PXDN: variants seen among roughly 807,000 people sequenced by gnomAD.
PXDN encodes the protein peroxidasin homolog.
In PXDN, 77 loss-of-function variants were observed where a neutral mutation model predicts 140.3. The ratio of observed to expected loss-of-function variants is 0.55; its 90% CI spans 0.46 to 0.66. PXDN has a LOEUF of 0.66. Among genes scored for constraint, PXDN ranks in the 30% least tolerant of loss-of-function variants. The pLI is 0.00. For synonymous variants in PXDN, 911 were observed against 857.4 expected (o/e 1.06, Z -1.09); for missense variants, 1,838 against 2,039.5 (o/e 0.90, Z 1.90).
At position 1,639,850 on chromosome 2, in the gene PXDN, C is replaced by A. The variant is rs889727885; in HGVS notation, c.3953-428G>T. Among the ~76,000 whole-genome samples the A allele has an allele frequency of 6.6e-6, 1 of 152,224 alleles. No homozygotes were observed. Among genetic ancestry groups the A allele is most frequent in the Non-Finnish European group, 1.5e-5 (1 of 68,042 alleles). ...CCTTAAAATTATGCTACACTCCCTA[C>A]GTCACACTGCCAGCCCCAGTGTCAG... On this transcript the variant is annotated intron_variant, in intron 19 of 22. Transcript: ENST00000252804. This position sits in a 1 kb window ranked among gnomAD's most constrained non-coding sequence, Gnocchi z 5.0.
In PXDN at chr2:1,637,875, G is replaced by GTA. The variant is rs1558482538; in HGVS notation, c.4206+970_4206+971insTA. Among the ~76,000 whole-genome samples, 64 of 8,796 alleles carry GTA rather than the reference G, an allele frequency of 7.3e-3. 7 individuals carry two copies. Among genetic ancestry groups the GTA allele is most frequent in the South Asian group, 0.05 (4 of 80 alleles). The allele number at this position is 8,796 out of a possible 152,430, so 5.8% of individuals were successfully genotyped here. A position where few individuals can be genotyped will look rare whatever the true frequency, so the allele number is the denominator to read the frequency against. On this transcript the variant is annotated intron_variant, in intron 21 of 22. Coordinates refer to ENST00000252804, the MANE Select transcript of PXDN (RefSeq NM_012293.3). ...CACTCTGACAGCTGCCTGGGGACTT[G>GTA]CACCTGGTCTCTAGGTTGCGGAGGC...
chr2:1,680,588 T>G (rs2125441602), intron 6 of PXDN, among the ~76,000 whole-genome samples: 1 of 152,262 alleles, frequency 6.6e-6, no homozygotes, highest in East Asian at 1.9e-4. Flanking sequence ...GGGTGCACAG[T>G]GCCCCTCAAG....
intron 14 of PXDN, among the ~76,000 whole-genome samples, chr2:1,656,128 C>A (rs552880539): frequency 6.6e-6 from 1 of 151,748 alleles, no homozygotes; most frequent in Admixed American, 6.6e-5. Context: ...AAACACCACA[C>A]AAACACACAA....
intron 6 of PXDN, among the ~76,000 whole-genome samples, chr2:1,682,271 C>G (rs1050386138): frequency 6.6e-6 from 1 of 152,066 alleles, no homozygotes; most frequent in Non-Finnish European, 1.5e-5. Flanking sequence ...TGTTATCTAT[C>G]AAATATGGAA....
chr2:1,708,761 C>A (rs1684680786), intron 1 of PXDN, among the ~76,000 whole-genome samples: 1 of 152,178 alleles, frequency 6.6e-6, no homozygotes, highest in Non-Finnish European at 1.5e-5. Flanking sequence ...GAAACGGGGA[C>A]ATCTTTTATG....
intron 1 of PXDN, among the ~76,000 whole-genome samples, chr2:1,696,874 A>G (rs749695357): frequency 3.9e-5 from 6 of 152,336 alleles, no homozygotes; most frequent in South Asian, 4.1e-4. Flanking sequence ...CATCCCTGAG[A>G]GACAAGCTCA....
chr2:1,741,489 C>T (rs1363298083), intron 1 of PXDN, among the ~76,000 whole-genome samples: 1 of 152,164 alleles, frequency 6.6e-6, no homozygotes, highest in Non-Finnish European at 1.5e-5. Context: ...GCTCAAAGGT[C>T]GATCCAAACT....
chr2:1,716,952 G>GC (rs1259566810), intron 1 of PXDN, among the ~76,000 whole-genome samples: 3 of 152,100 alleles, frequency 2.0e-5, no homozygotes, highest in African/African-American at 7.2e-5. Context: ...CACTAGCCTT[G>GC]CCCCCATCCA....
chr2:1,731,772 A>G lies in PXDN; in HGVS notation c.200+12484T>C, dbSNP rs573741919. On this transcript the variant is annotated intron_variant, in intron 1 of 22. Transcript: ENST00000252804. ...GAGCTGCCCAGCCAAGAACATTTGC[A>G]CGGGGTTTTGTGTGAGTGGGGCAGG... is the stretch of plus-strand genomic sequence containing the variant. Among the ~76,000 whole-genome samples the G allele has an allele frequency of 1.7e-3, 258 of 152,256 alleles. 1 individual carries two copies. Among genetic ancestry groups the G allele is most frequent in the Admixed American group, 2.6e-3 (39 of 15,288 alleles).
chr2:1,667,652 C>T (rs1385840648), intron 9 of PXDN, among the ~76,000 whole-genome samples: 2 of 152,066 alleles, frequency 1.3e-5, no homozygotes, highest in Non-Finnish European at 2.9e-5. Flanking sequence ...TTCCTATATA[C>T]CAATAATAGA....
At chr2:1,703,374 T>C (rs187397798) in intron 1 of PXDN, among the ~76,000 whole-genome samples, 8 of 4,642 alleles carry the variant, frequency 1.7e-3, no homozygotes, top group Admixed American at 2.4e-3. Flanking sequence ...CCAGGTGAAG[T>C]GGGGGACAGC....
At chr2:1,658,029 T>G (rs1439883153) in intron 14 of PXDN, among the ~76,000 whole-genome samples, 18 of 1,132 alleles carry the variant, frequency 0.016, no homozygotes, top group East Asian at 0.048. Flanking sequence ...AGCTGTGGGC[T>G]CTCTCTCTCT....
In PXDN at chr2:1,632,125, G is replaced by A. The variant is rs1370956289; in HGVS notation, c.*2079C>T. The A allele has an allele frequency of 1.3e-5, 2 of 152,432 alleles. No individual in the cohort carries two copies. Among genetic ancestry groups the A allele is most frequent in the African/African-American group, 4.8e-5 (2 of 41,446 alleles). 9.4% of individuals were successfully genotyped at this position (152,432 alleles called of 1,614,324 possible). On this transcript the variant is annotated 3_prime_UTR_variant, in exon 23 of 23. Transcript: ENST00000252804. This position sits in a 1 kb window ranked among gnomAD's most constrained non-coding sequence, Gnocchi z 4.3. ...TCTGATTACAGAGAGTATCAAACTG[G>A]TGATTCCGCAGACATTTTGGTTTGA...
intron 1 of PXDN, among the ~76,000 whole-genome samples, chr2:1,709,641 G>A (rs552746661): frequency 3.2e-4 from 49 of 152,306 alleles, no homozygotes; most frequent in Middle Eastern, 3.4e-3. Context: ...CCAGGAGGCC[G>A]GCAAGGCGGC....
intron 1 of PXDN, among the ~76,000 whole-genome samples, chr2:1,719,258 C>T (rs1684963388): frequency 6.6e-6 from 1 of 152,184 alleles, no homozygotes; most frequent in South Asian, 2.1e-4. Flanking sequence ...CAGCCACAGC[C>T]TGGCAATCCC....
intron 8 of PXDN, among the ~76,000 whole-genome samples, chr2:1,675,755 T>C (rs1161310283): frequency 1.4e-5 from 2 of 147,616 alleles, no homozygotes; most frequent in African/African-American, 5.1e-5. Flanking sequence ...GCCTCTGGAG[T>C]CTGGAACAAT....
rs537544012 is a variant in PXDN, at chr2:1,716,017, T to C, written c.201-22883A>G. Among the ~76,000 whole-genome samples the C allele has an allele frequency of 2.4e-4, 37 of 152,088 alleles. 3 individuals carry two copies. In the South Asian group the frequency reaches 7.3e-3, roughly 30 times the overall value. ...TCTTTTCTAATTTGACGGCAGGTGG[T>C]GGAGTGTTGGCCAAAGACAAGGCAA... is the stretch of plus-strand genomic sequence containing the variant. On this transcript the variant is annotated intron_variant, in intron 1 of 22. Coordinates refer to ENST00000252804, the MANE Select transcript of PXDN (RefSeq NM_012293.3).
chr2:1,692,094 T>A, intron 2 of PXDN, 95 bp from the exon 3 acceptor site: 1 of 903,464 alleles, frequency 1.1e-6, no homozygotes, highest in Non-Finnish European at 1.7e-6. Flanking sequence ...AAAGGTCACA[T>A]TGACAATTCA....
At chr2:1,658,027 G>GCT (rs1156959508) in intron 14 of PXDN, among the ~76,000 whole-genome samples, 87 of 4,860 alleles carry the variant, frequency 0.018, no homozygotes, top group Non-Finnish European at 0.023. Flanking sequence ...TCAGCTGTGG[G>GCT]CTCTCTCTCT....
Sources: gnomAD v4.1 joint callset for allele counts (sites outside exome capture counted in the v4.1 genomes callset) on GRCh38, gnomAD v4.1.1 for gene constraint, Gnocchi (gnomAD v3.1) non-coding constraint, MANE v1.5 for transcripts, NCBI Gene and HGNC (gene_info 2026-07-23, HGNC 2026-07-21) for gene names.